Variants in PECR observed in about 807,000 individuals in gnomAD.
The protein encoded by PECR is peroxisomal trans-2-enoyl-CoA reductase, also known as 2,4-dienoyl-CoA reductase-related protein.
A neutral mutation model predicts 35.3 loss-of-function variants in PECR; 30 were observed. That is an observed-to-expected ratio of 0.85 (90% CI 0.64 to 1.15). PECR has a LOEUF of 1.15. Among genes scored for constraint, PECR ranks in the 50% most tolerant of loss-of-function variants. The pLI, the probability that PECR is intolerant of heterozygous loss-of-function variation, is 0.00. For missense variants in PECR, 392 were observed against 370.8 expected (o/e 1.06, Z -0.47); for synonymous variants, 148 against 138.9 (o/e 1.07, Z -0.46).
downstream of PECR, chr2:216,033,709 T>G (rs1694747136): frequency 6.6e-6 from 1 of 152,440 alleles, no homozygotes; most frequent in South Asian, 2.1e-4. Flanking sequence ...AGGAGACCTC[T>G]GTAAGGCAAT....
chr2:216,065,565 T>C (rs1695449884), intron 2 of PECR, 88 bp from the exon 3 acceptor site: 4 of 806,078 alleles, frequency 5.0e-6, no homozygotes, highest in Non-Finnish European at 8.7e-6. Context: ...AGACAGAGTT[T>C]GCAATCTCTC....
At chr2:216,047,370 T>C (rs1695016461) in intron 6 of PECR, among the ~76,000 whole-genome samples, 1 of 152,164 alleles carries the variant, frequency 6.6e-6, no homozygotes, top group Non-Finnish European at 1.5e-5. Flanking sequence ...GCATGATAAC[T>C]CTTTTAAAGA....
chr2:216,068,914 T>C (rs1028178224), intron 1 of PECR, among the ~76,000 whole-genome samples: 5 of 151,136 alleles, frequency 3.3e-5, no homozygotes, highest in African/African-American at 9.7e-5. Flanking sequence ...CAGATCTCTT[T>C]AAAGGTATAG....
chr2:216,066,767 C>T (rs374374018), intron 1 of PECR, among the ~76,000 whole-genome samples: 1 of 152,108 alleles, frequency 6.6e-6, no homozygotes, highest in African/African-American at 2.4e-5. Context: ...CTCACTGTAA[C>T]CTTGAACTTC....
In PECR at chr2:216,067,053, C is replaced by T. The variant is rs571084675; in HGVS notation, c.125-535G>A. ...GGGACAGTGAAATCAAACATGAGCC[C>T]TTGGATTGCCCCAGCTTGCTGCCTG... On this transcript the variant is annotated intron_variant, in intron 1 of 7. Transcript: ENST00000265322. Among the ~76,000 whole-genome samples the T allele has an allele frequency of 3.9e-5, 6 of 152,170 alleles. No individual in the cohort carries two copies. In the East Asian group the frequency reaches 1.2e-3, roughly 29 times the overall value.
intron 7 of PECR, among the ~76,000 whole-genome samples, chr2:216,029,938 G>A (rs1193036894): frequency 6.6e-6 from 1 of 152,206 alleles, no homozygotes; most frequent in African/African-American, 2.4e-5. Flanking sequence ...CTTATGGCCT[G>A]TGGTCGGTGC....
downstream of PECR, among the ~76,000 whole-genome samples, chr2:216,037,192 G>C (rs1694807853): frequency 6.6e-6 from 1 of 152,176 alleles, no homozygotes; most frequent in African/African-American, 2.4e-5. Flanking sequence ...ATTATTGACA[G>C]GATACTATTA....
At chr2:216,037,502 T>C (rs544890875), downstream of PECR, among the ~76,000 whole-genome samples, 37 of 152,330 alleles carry the variant, frequency 2.4e-4, no homozygotes, top group African/African-American at 8.2e-4. Context: ...TCAGTTGTTA[T>C]GATATTATCA....
rs1280757109 is a variant in PECR at position 216,065,306 on chromosome 2, A to G, written c.424+6T>C. On this transcript the variant is annotated splice_donor_region_variant and intron_variant, in intron 3 of 7. Coordinates refer to ENST00000265322, the MANE Select transcript of PECR (RefSeq NM_018441.6). Reference sequence around the variant, plus strand: ...ATGTTGACTTGTGGATACTGATGGTACTTGCCTGCTTTGCACATGTAGAAG... The same window carrying G: ...ATGTTGACTTGTGGATACTGATGGTGCTTGCCTGCTTTGCACATGTAGAAG... 6.3e-7 allele frequency: 1 copy of G among 1,597,660 alleles called. No individual in the cohort carries two copies. The highest frequency in any genetic ancestry group is 8.6e-7 in the Non-Finnish European group (1 of 1,165,008).
chr2:216,075,978 A>T (rs977035720), intron 1 of PECR, among the ~76,000 whole-genome samples: 1 of 152,202 alleles, frequency 6.6e-6, no homozygotes, highest in Non-Finnish European at 1.5e-5. Flanking sequence ...CAACTTGACG[A>T]TGCTAGGTTT....
chr2:216,052,332 G>A (rs1695131481), intron 4 of PECR, among the ~76,000 whole-genome samples: 1 of 152,152 alleles, frequency 6.6e-6, no homozygotes. Flanking sequence ...TCAATCAAAG[G>A]TATTTGAAAT....
intron 3 of PECR, among the ~76,000 whole-genome samples, chr2:216,060,507 A>T (rs982850571): frequency 5.9e-5 from 9 of 152,102 alleles, no homozygotes; most frequent in African/African-American, 9.7e-5. Context: ...ATGAAAAATT[A>T]AAAAATTAGC....
chr2:216,062,558 C>G (rs537595475), intron 3 of PECR, among the ~76,000 whole-genome samples: 14 of 152,192 alleles, frequency 9.2e-5, no homozygotes, highest in Middle Eastern at 3.4e-3. Flanking sequence ...TATTGTGTCC[C>G]AGGGTACAAG....
intron 6 of PECR, among the ~76,000 whole-genome samples, chr2:216,046,669 T>C (rs1695003542): frequency 6.6e-6 from 1 of 152,136 alleles, no homozygotes; most frequent in Admixed American, 6.6e-5. Context: ...TAAAATTCAT[T>C]AAATATTACT....
In PECR at chr2:216,081,650, C is replaced by T; in HGVS notation, c.92G>A (p.Gly31Glu). 6.2e-7 allele frequency: 1 copy of T among 1,613,584 alleles called. No homozygotes were observed. Reference sequence around the variant, plus strand: ...CAGGAGCTCCTTCACGATGGCTTTTCCGATGCCCGTGGCCCCGCCGGTGAC... The same window carrying T: ...CAGGAGCTCCTTCACGATGGCTTTTTCGATGCCCGTGGCCCCGCCGGTGAC... Reference protein sequence around the residue: ...AIVTGGATGIGKAIVKELLEL... With the variant: ...AIVTGGATGIEKAIVKELLEL... Residue 31 changes from glycine to glutamate, a missense_variant, in exon 1 of 8, where the codon GGA becomes GAA. Physicochemically the swap from Gly to Glu is moderately conservative, Grantham distance 98. Transcript: ENST00000265322.
At chr2:216,074,357 G>A (rs1695643296) in intron 1 of PECR, among the ~76,000 whole-genome samples, 1 of 152,176 alleles carries the variant, frequency 6.6e-6, no homozygotes, top group Admixed American at 6.6e-5. Flanking sequence ...TAAGCCACGA[G>A]AATTGCTTGA....
chr2:216,079,884 G>A (rs1202379974), intron 1 of PECR, among the ~76,000 whole-genome samples: 2 of 147,446 alleles, frequency 1.4e-5, no homozygotes, highest in Non-Finnish European at 3.0e-5. Context: ...GGGAGGCTGA[G>A]GCAGGAGAAT....
chr2:216,063,279 C>G (rs1301217755), intron 3 of PECR, among the ~76,000 whole-genome samples: 2 of 152,090 alleles, frequency 1.3e-5, no homozygotes, highest in Non-Finnish European at 2.9e-5. Flanking sequence ...ATATTTTACT[C>G]CAGAATATTT....
At chr2:216,033,310 T>C (rs1694739180) in intron 7 of PECR, among the ~76,000 whole-genome samples, 1 of 152,158 alleles carries the variant, frequency 6.6e-6, no homozygotes, top group African/African-American at 2.4e-5. Context: ...ACAACTGCCA[T>C]GCCATTATCA....
Sources: allele counts gnomAD v4.1 joint callset (sites outside exome capture counted in the v4.1 genomes callset), GRCh38; gene constraint gnomAD v4.1.1; transcripts MANE v1.5; gene names NCBI Gene and HGNC (gene_info 2026-07-23, HGNC 2026-07-21).